Variants in ZNF860 observed in about 807,000 individuals in gnomAD.
ZNF860 encodes zinc finger protein 860.
For synonymous variants in ZNF860, 206 were observed against 248.9 expected (o/e 0.83, Z 1.62); for missense variants, 641 against 759.2 (o/e 0.84, Z 1.83).
At chr3:31,992,904 G>A (rs750590789), downstream of ZNF860, among the ~76,000 whole-genome samples, 1 of 152,198 alleles carries the variant, frequency 6.6e-6, no homozygotes, top group Admixed American at 6.5e-5. Context: ...TCAAGAGGCT[G>A]AGGCAGGAGT....
Position 31,990,775 on chromosome 3 carries a change from T to A in ZNF860, c.1696T>A (p.Tyr566Asn), listed in dbSNP as rs776565053. 2 of 1,613,408 alleles carry A rather than the reference T, an allele frequency of 1.2e-6. No individual in the cohort carries two copies. Among genetic ancestry groups the A allele is most frequent in the East Asian group, 2.2e-5 (1 of 44,846 alleles). Reference sequence around the variant, plus strand: ...GAGAATTCATACTGGAGAGAAACCTTACAAATGTGATGATTTTGACGAGGC... The same window carrying A: ...GAGAATTCATACTGGAGAGAAACCTAACAAATGTGATGATTTTGACGAGGC... The part of the protein sequence containing the change: ...HKRIHTGEKP[Y>N]KCDDFDEAFS... The change falls in exon 2 of 2, where the codon TAC becomes AAC. Residue 566 changes from tyrosine to asparagine, a missense_variant. Transcript: ENST00000360311.
the ZNF860 span, among the ~76,000 whole-genome samples, chr3:31,997,189 A>G: frequency 4.6e-5 from 7 of 152,190 alleles, no homozygotes; most frequent in African/African-American, 1.7e-4. Flanking sequence ...AGAGCCCTGT[A>G]AATATGACTA....
In ZNF860 at chr3:31,989,375, A is replaced by C. The variant is rs1447004844; in HGVS notation, c.296A>C (p.Asp99Ala). Residue 99 changes from aspartate (D) to alanine (A), a missense_variant, in exon 2 of 2, where the codon GAT (aspartate) becomes GCT (alanine). By Grantham distance (126) the Asp-to-Ala change is moderately radical (BLOSUM62 -2). Coordinates refer to ENST00000360311, the MANE Select transcript of ZNF860 (RefSeq NM_001137674.3). ...LERHESHHIGDFCFQKIGKDI... is the reference protein window; with the variant it reads ...LERHESHHIGAFCFQKIGKDI... ...AGACATGAAAGTCATCACATTGGAG[A>C]TTTTTGCTTCCAGAAAATTGGGAAA... The C allele has an allele frequency of 1.2e-6, 2 of 1,614,062 alleles. No homozygotes were observed. The highest frequency in any genetic ancestry group is 2.7e-5 in the African/African-American group (2 of 74,922).
the ZNF860 span, among the ~76,000 whole-genome samples, chr3:32,000,153 T>C: frequency 7.2e-5 from 11 of 152,326 alleles, no homozygotes; most frequent in Admixed American, 7.2e-4. Flanking sequence ...CTCTACCTGG[T>C]AAATTAACGT....
the ZNF860 span, among the ~76,000 whole-genome samples, chr3:32,005,402 C>G: frequency 6.6e-6 from 1 of 151,998 alleles, no homozygotes; most frequent in Non-Finnish European, 1.5e-5. Context: ...CCACATTAAT[C>G]TGGAGATTAA....
Position 31,990,095 on chromosome 3 carries a change from A to G in ZNF860, c.1016A>G (p.Glu339Gly). Reference protein sequence around the residue: ...LERHRRIHTGEKPYKCKVCEK... With the variant: ...LERHRRIHTGGKPYKCKVCEK... The stretch of plus-strand genomic sequence containing the variant: ...AGACATAGGAGAATTCATACTGGAG[A>G]GAAACCATACAAATGTAAGGTTTGT... The change falls in exon 2 of 2, where the codon GAG becomes GGG. Residue 339 changes from glutamate to glycine, a missense_variant. Physicochemically the swap from Glu to Gly is moderately conservative, Grantham distance 98. Coordinates refer to ENST00000360311, the MANE Select transcript of ZNF860 (RefSeq NM_001137674.3). 6.2e-7 allele frequency: 1 copy of G among 1,611,738 alleles called. No homozygotes were observed. Among genetic ancestry groups the G allele is most frequent in the South Asian group, 1.1e-5 (1 of 90,904 alleles).
At chr3:31,995,397 C>T (rs7620518), downstream of ZNF860, among the ~76,000 whole-genome samples, 50,894 of 151,994 alleles carry the variant, frequency 0.33, 11,613 homozygotes, top group African/African-American at 0.64. Context: ...AAGAATTTAG[C>T]GATATCTTCC....
In ZNF860 at chr3:31,989,717, AT is replaced by A. The variant is rs1559544134; in HGVS notation, c.640del (p.Ser214HisfsTer6). The A allele has an allele frequency of 3.1e-6, 5 of 1,613,872 alleles. No individual in the cohort carries two copies. In the Admixed American group the frequency reaches 6.7e-5, roughly 22 times the overall value. Reference protein sequence around the residue: ...ISNNYENNFFHSSLLTLKQEV... With the variant: ...ISNNYENNFFXSSLLTLKQEV... ...AATAACTATGAAAATAATTTCTTCCATTCATCATTACTCACACTAAAACAGG... is the reference window on the plus strand; with the variant it reads ...AATAACTATGAAAATAATTTCTTCCATCATCATTACTCACACTAAAACAGG... On this transcript the variant is annotated frameshift_variant, in exon 2 of 2. Coordinates refer to ENST00000360311, the MANE Select transcript of ZNF860 (RefSeq NM_001137674.3). LOFTEE classifies it low-confidence loss of function (END_TRUNC).
At chr3:32,000,503 T>C in the ZNF860 span, among the ~76,000 whole-genome samples, 1 of 152,234 alleles carries the variant, frequency 6.6e-6, no homozygotes, top group Non-Finnish European at 1.5e-5. Flanking sequence ...GAGGCCAGCA[T>C]GCTGACTCCC....
At chr3:32,002,187 A>G in the ZNF860 span, among the ~76,000 whole-genome samples, 2 of 152,120 alleles carry the variant, frequency 1.3e-5, no homozygotes, top group African/African-American at 4.8e-5. Context: ...CATTCAACAG[A>G]AATTGCTTCT....
At chr3:31,994,868 G>C (rs527322343), downstream of ZNF860, among the ~76,000 whole-genome samples, 1 of 152,208 alleles carries the variant, frequency 6.6e-6, no homozygotes, top group African/African-American at 2.4e-5. Context: ...CTAAGTGTCG[G>C]CTGGTCTGAG....
rs1032535595 is a variant in ZNF860, at chr3:31,988,172, G to A, written c.-420-488G>A. On this transcript the variant is annotated intron_variant, in intron 1 of 1. Transcript: ENST00000360311. ...AGAATATCTGGAGCAATTATCCTGTGTCTGCTTCACCATTGTGTTTTGAGT... is the reference window on the plus strand; with the variant it reads ...AGAATATCTGGAGCAATTATCCTGTATCTGCTTCACCATTGTGTTTTGAGT... 8.5e-5 allele frequency among the ~76,000 whole-genome samples: 13 copies of A among 152,304 alleles called. No individual in the cohort carries two copies. The East Asian group carries it at 2.5e-3, about 29-fold the overall frequency.
Position 31,990,594 on chromosome 3 carries a change from T to C in ZNF860, c.1515T>C (p.Thr505=). Residue 505 remains threonine (T), a synonymous_variant, in exon 2 of 2, where the codon ACT becomes ACC. Transcript: ENST00000360311. ...SALVIHKAIH[T]GEKPYKCNEC... ...TTGTAATTCATAAGGCAATTCATAC[T>C]GGAGAGAAACCTTACAAGTGTAATG... is the stretch of plus-strand genomic sequence containing the variant. The C allele has an allele frequency of 6.2e-7, 1 of 1,614,132 alleles. No homozygotes were observed. Among genetic ancestry groups the C allele is most frequent in the Non-Finnish European group, 8.5e-7 (1 of 1,180,014 alleles).
chr3:32,005,763 A>C, the ZNF860 span, among the ~76,000 whole-genome samples: 1 of 149,836 alleles, frequency 6.7e-6, no homozygotes, highest in South Asian at 2.1e-4. Context: ...AATTTTTTGT[A>C]TTTTTAGTAG....
Position 31,989,183 on chromosome 3 carries a change from T to C in ZNF860, c.104T>C (p.Leu35Ser). The C allele has an allele frequency of 6.2e-7, 1 of 1,614,086 alleles. No individual in the cohort carries two copies. Among genetic ancestry groups the C allele is most frequent in the Admixed American group, 1.7e-5 (1 of 60,006 alleles). ...AGGGATGTGGCTATAGAATTCTCTT[T>C]GGAGGAGTGGAAATGCCTGGACCCT... is the stretch of plus-strand genomic sequence containing the variant. ...TFRDVAIEFS[L>S]EEWKCLDPTQ... is the part of the protein sequence containing the mutation. The change falls in exon 2 of 2, where the codon TTG becomes TCG. Residue 35 changes from leucine to serine, a missense_variant. By Grantham distance (145) the Leu-to-Ser change is moderately radical. Transcript: ENST00000360311.
the ZNF860 span, among the ~76,000 whole-genome samples, chr3:32,000,022 C>G: frequency 1.3e-5 from 2 of 152,106 alleles, no homozygotes; most frequent in Non-Finnish European, 2.9e-5. Flanking sequence ...ATGATCTTTG[C>G]CACAAAGATA....
chr3:32,003,643 C>T, the ZNF860 span, among the ~76,000 whole-genome samples: 1 of 152,172 alleles, frequency 6.6e-6, no homozygotes, highest in Non-Finnish European at 1.5e-5. Flanking sequence ...CAGGATAATC[C>T]TCTTTCTCGT....
At chr3:31,996,724 G>GAAGA in the ZNF860 span, among the ~76,000 whole-genome samples, 1 of 152,152 alleles carries the variant, frequency 6.6e-6, no homozygotes, top group East Asian at 1.9e-4. Flanking sequence ...TGAAACTATA[G>GAAGA]AAGAAAGAAA....
In ZNF860 at chr3:31,991,154, A is replaced by C; in HGVS notation, c.*176A>C. 1 of 714,944 alleles carries C rather than the reference A, an allele frequency of 1.4e-6. No individual in the cohort carries two copies. The allele number at this position is 714,944 out of a possible 1,614,324, so 44.3% of individuals were successfully genotyped here. On this transcript the variant is annotated 3_prime_UTR_variant, in exon 2 of 2. Transcript: ENST00000360311. Reference sequence around the variant, plus strand: ...TAATTGACATTAAAGTGTTTACGTTAAGAGGATTGGGCTGGGCAGGGTGGC... The same window carrying C: ...TAATTGACATTAAAGTGTTTACGTTCAGAGGATTGGGCTGGGCAGGGTGGC...
Sources: allele counts gnomAD v4.1 joint callset (sites outside exome capture counted in the v4.1 genomes callset), GRCh38; gene constraint gnomAD v4.1.1; transcripts MANE v1.5; gene names NCBI Gene and HGNC (gene_info 2026-07-23, HGNC 2026-07-21).